RBM38: variants seen among roughly 807,000 people sequenced by gnomAD.
The protein encoded by RBM38 is RNA-binding protein 38.
A neutral mutation model predicts 23.5 loss-of-function variants in RBM38; 11 were observed. The observed-to-expected ratio is 0.47, with a 90% CI of 0.29 to 0.77. The LOEUF (loss-of-function observed/expected upper bound fraction) is 0.77, where lower values mean the gene tolerates loss of function less well. Ranked by LOEUF, RBM38 falls within the 30% of genes least tolerant of loss-of-function variation. The pLI is 0.08. For missense variants in RBM38, 330 were observed against 351.9 expected (o/e 0.94, Z 0.50); for synonymous variants, 165 against 166.1 (o/e 0.99, Z 0.05).
intron 3 of RBM38, among the ~76,000 whole-genome samples, chr20:57,405,667 T>TG (rs1489637499): frequency 2.6e-5 from 4 of 152,176 alleles, no homozygotes; most frequent in Non-Finnish European, 4.4e-5. Flanking sequence ...TTTCCACCGT[T>TG]GCTGTAGGGC....
chr20:57,407,912 G>T lies in RBM38; in HGVS notation c.*66G>T. The stretch of plus-strand genomic sequence containing the variant: ...ACAGCAGACAGAGCTGCCAGGCCAT[G>T]ATGGGCTGGCGACAGCCCGGCTGAG... On this transcript the variant is annotated 3_prime_UTR_variant, in exon 4 of 4. Transcript: ENST00000356208. This position sits in a 1 kb window ranked among gnomAD's most constrained non-coding sequence, Gnocchi z 4.0. The T allele has an allele frequency of 6.7e-7, 1 of 1,488,752 alleles. No individual in the cohort carries two copies. Among genetic ancestry groups the T allele is most frequent in the South Asian group, 1.3e-5 (1 of 76,990 alleles). The allele number at this position is 1,488,752 out of a possible 1,614,324, so 92.2% of individuals were successfully genotyped here.
At chr20:57,391,890 C>T (rs1192446215) in intron 1 of RBM38, 72 bp downstream of exon 1, 2 of 1,160,076 alleles carry the variant, frequency 1.7e-6, no homozygotes, top group Non-Finnish European at 2.3e-6. Context: ...GAGTCCACTC[C>T]GGGGCACACG....
chr20:57,404,968 G>T (rs1487443301), intron 3 of RBM38, among the ~76,000 whole-genome samples: 1 of 152,206 alleles, frequency 6.6e-6, no homozygotes, highest in Non-Finnish European at 1.5e-5. Flanking sequence ...CATGGTGGAG[G>T]TGCCACGAGA....
chr20:57,395,797 C>T (rs1190277065), intron 3 of RBM38, among the ~76,000 whole-genome samples: 1 of 152,004 alleles, frequency 6.6e-6, no homozygotes, highest in Non-Finnish European at 1.5e-5. Flanking sequence ...GCTGGGCCGT[C>T]AGCGTCCCTT....
In RBM38 at chr20:57,407,978, G is replaced by A. The variant is rs552240400; in HGVS notation, c.*132G>A. 4.5e-5 allele frequency: 52 copies of A among 1,145,590 alleles called. No homozygotes were observed. In the Admixed American group the frequency reaches 4.6e-4, roughly 10 times the overall value. The allele number at this position is 1,145,590 out of a possible 1,614,324, so 71.0% of individuals were successfully genotyped here. Reference sequence around the variant, plus strand: ...ACCAGCACCCGTGCCTCCGAAGACCGCTCGGGCATTCCGCCTGCGCCCTGG... The same window carrying A: ...ACCAGCACCCGTGCCTCCGAAGACCACTCGGGCATTCCGCCTGCGCCCTGG... On this transcript the variant is annotated 3_prime_UTR_variant, in exon 4 of 4. Coordinates refer to ENST00000356208, the MANE Select transcript of RBM38 (RefSeq NM_017495.6). The surrounding 1 kb of genome is among the most constrained non-coding windows in gnomAD (Gnocchi z 4.0).
At chr20:57,398,283 C>T (rs2067295047) in intron 3 of RBM38, among the ~76,000 whole-genome samples, 1 of 152,068 alleles carries the variant, frequency 6.6e-6, no homozygotes, top group African/African-American at 2.4e-5. Flanking sequence ...TGTACGCACG[C>T]ACACGTGTGC....
intron 3 of RBM38, among the ~76,000 whole-genome samples, chr20:57,394,084 C>T (rs2067249172): frequency 6.6e-6 from 1 of 152,158 alleles, no homozygotes; most frequent in African/African-American, 2.4e-5. Flanking sequence ...AGCGCCGTGG[C>T]ATATTGATGG....
intron 1 of RBM38, 139 bp from the exon 2 acceptor site, chr20:57,392,515 C>G: frequency 6.6e-7 from 1 of 1,524,738 alleles, no homozygotes; most frequent in South Asian, 1.2e-5. Context: ...GGAGCTTTGG[C>G]TCAAGGACCC....
intron 1 of RBM38, chr20:57,392,426 T>TTC: frequency 6.5e-7 from 1 of 1,528,936 alleles, no homozygotes; most frequent in Non-Finnish European, 8.7e-7. Context: ...AAGGCCACAT[T>TTC]TCCCAGGCCT....
intron 3 of RBM38, among the ~76,000 whole-genome samples, chr20:57,395,937 A>G (rs1600747196): frequency 6.6e-6 from 1 of 152,270 alleles, no homozygotes; most frequent in Middle Eastern, 3.4e-3. Context: ...CCAGGAGCCC[A>G]GGCAGCTGAG....
At chr20:57,393,358 G>A in intron 3 of RBM38, 25 bp downstream of exon 3, 1 of 1,612,292 alleles carries the variant, frequency 6.2e-7, no homozygotes, top group Non-Finnish European at 8.5e-7. Context: ...CTGGCTTGGG[G>A]TGGGTAGTCC....
In RBM38 at chr20:57,394,716, T is replaced by C. The variant is rs537064667; in HGVS notation, c.416+1383T>C. ...AGCCTTCATGCCTTCACCGAGATTC[T>C]TCCTATGGGGTTCAGGCCACATGAA... is the stretch of plus-strand genomic sequence containing the variant. On this transcript the variant is annotated intron_variant, in intron 3 of 3. Transcript: ENST00000356208. 2.6e-5 allele frequency among the ~76,000 whole-genome samples: 4 copies of C among 152,310 alleles called. No homozygotes were observed. The East Asian group carries it at 7.7e-4, about 29-fold the overall frequency.
In RBM38 at chr20:57,407,509, T is replaced by C; in HGVS notation, c.417-34T>C. On this transcript the variant is annotated intron_variant, in intron 3 of 3. Coordinates refer to ENST00000356208, the MANE Select transcript of RBM38 (RefSeq NM_017495.6). The surrounding 1 kb of genome is among the most constrained non-coding windows in gnomAD (Gnocchi z 4.0). ...CTCCCAGCTGTATTCCCCAACTCCG[T>C]TCTGGCCCTAACCTGCTCTGCTTGG... 1 of 1,603,638 alleles carries C rather than the reference T, an allele frequency of 6.2e-7. No homozygotes were observed. The highest frequency in any genetic ancestry group is 8.5e-7 in the Non-Finnish European group (1 of 1,172,608).
chr20:57,402,031 T>G (rs531846841), intron 3 of RBM38, among the ~76,000 whole-genome samples: 1 of 152,152 alleles, frequency 6.6e-6, no homozygotes, highest in African/African-American at 2.4e-5. Context: ...CACTGCAGCC[T>G]CCGCCTCCCG....
At chr20:57,404,727 T>C (rs959486904) in intron 3 of RBM38, among the ~76,000 whole-genome samples, 54 of 152,338 alleles carry the variant, frequency 3.5e-4, no homozygotes, top group African/African-American at 1.2e-3. Flanking sequence ...CAGAGCCATC[T>C]CCCTGACAGA....
At chr20:57,401,484 C>T (rs1472386597) in intron 3 of RBM38, among the ~76,000 whole-genome samples, 1 of 152,220 alleles carries the variant, frequency 6.6e-6, no homozygotes, top group Non-Finnish European at 1.5e-5. Flanking sequence ...AGAGGCCATT[C>T]CACGGGGGGG....
intron 1 of RBM38, chr20:57,392,283 C>T: frequency 3.6e-6 from 2 of 549,554 alleles, no homozygotes; most frequent in South Asian, 1.8e-5. Flanking sequence ...GCTTACCTTC[C>T]AAGCATAGCG....
intron 3 of RBM38, among the ~76,000 whole-genome samples, 161 bp downstream of exon 3, chr20:57,393,494 C>T (rs1360999678): frequency 1.3e-5 from 2 of 152,212 alleles, no homozygotes; most frequent in Non-Finnish European, 2.9e-5. Context: ...ACTTCTCCAT[C>T]CCTGGCAGAG....
chr20:57,391,523 C>A lies in RBM38; in HGVS notation c.-59C>A. 1.9e-6 allele frequency: 1 copy of A among 517,800 alleles called. No individual in the cohort carries two copies. The highest frequency in any genetic ancestry group is 8.1e-5 in the South Asian group (1 of 12,396). The allele number at this position is 517,800 out of a possible 1,614,324, so 32.1% of individuals were successfully genotyped here. ...CCCTCGCTGCCCCGCGCGCTCCCCG[C>A]CGCCCCCCATGAGCGCAGCCCCGCG... On this transcript the variant is annotated 5_prime_UTR_variant, in exon 1 of 4. Transcript: ENST00000356208.
Sources: allele counts gnomAD v4.1 joint callset (sites outside exome capture counted in the v4.1 genomes callset), GRCh38; gene constraint gnomAD v4.1.1; non-coding constraint Gnocchi (gnomAD v3.1); transcripts MANE v1.5; gene names NCBI Gene and HGNC (gene_info 2026-07-23, HGNC 2026-07-21).